Variants in TTLL3 observed in about 807,000 individuals in gnomAD.
TTLL3 encodes the protein tubulin tyrosine ligase like 3.
A neutral mutation model predicts 75.2 loss-of-function variants in TTLL3; 63 were observed. The observed-to-expected ratio is 0.84, with a 90% CI of 0.68 to 1.03. TTLL3 has a LOEUF of 1.03. TTLL3 is among the 50% of genes least tolerant of loss of function. The pLI is 0.00. For missense variants in TTLL3, 997 were observed against 1,069.9 expected (o/e 0.93, Z 0.95); for synonymous variants, 393 against 418.5 (o/e 0.94, Z 0.74).
intron 12 of TTLL3, 60 bp from the exon 13 acceptor site, chr3:9,834,621 G>C: frequency 6.2e-7 from 1 of 1,603,962 alleles, no homozygotes; most frequent in Non-Finnish European, 8.5e-7. Flanking sequence ...GTACCTGTTA[G>C]GGCAGCTAGG....
chr3:9,812,316 A>T (rs565946135), intron 2 of TTLL3, among the ~76,000 whole-genome samples: 1 of 152,284 alleles, frequency 6.6e-6, no homozygotes, highest in East Asian at 1.9e-4. Flanking sequence ...GGAGTTCAAG[A>T]CCAGCGTGGC....
intron 9 of TTLL3, 150 bp downstream of exon 9, chr3:9,826,098 C>A: frequency 7.8e-7 from 1 of 1,289,910 alleles, no homozygotes; most frequent in Non-Finnish European, 1.1e-6. Context: ...TGACCTTGAG[C>A]AGGTTTTAGC....
chr3:9,817,483 A>C, intron 5 of TTLL3, 162 bp from the exon 6 acceptor site: 1 of 985,062 alleles, frequency 1.0e-6, no homozygotes, highest in East Asian at 1.1e-4. Context: ...TTGGCAAAGG[A>C]CACCTCCCAG....
rs2081305434 is a variant in TTLL3, at chr3:9,829,071, C to G, written c.1359C>G (p.His453Gln). The stretch of plus-strand genomic sequence containing the variant: ...GGTCTAGCCAGAGGTTCCAGGCCCA[C>G]CTGCAGGAGATGGGTGCCCCAAATG... ...NMWSSQRFQA[H>Q]LQEMGAPNAW... Residue 453 changes from histidine (H) to glutamine (Q), a missense_variant, in exon 11 of 14, where the codon CAC becomes CAG. His to Gln is a conservative substitution (Grantham distance 24, BLOSUM62 0). Coordinates refer to ENST00000685419, the MANE Select transcript of TTLL3 (RefSeq NM_001387446.1). The G allele has an allele frequency of 6.2e-7, 1 of 1,614,266 alleles. No homozygotes were observed.
intron 6 of TTLL3, 29 bp from the exon 7 acceptor site, chr3:9,818,793 G>T: frequency 6.2e-7 from 1 of 1,613,890 alleles, no homozygotes; most frequent in Non-Finnish European, 8.5e-7. Flanking sequence ...CCTAGGGGCT[G>T]AGCAGGGTAT....
At position 9,815,719 on chromosome 3, in the gene TTLL3, G is replaced by A. The variant is rs551913895; in HGVS notation, c.316-355G>A. On this transcript the variant is annotated intron_variant, in intron 4 of 13. Transcript: ENST00000685419. ...AGGTGGGTCTATGTCTCAGTCTTTGGAATTTGCCATGGTTTGATGAGGCTA... is the reference window on the plus strand; with the variant it reads ...AGGTGGGTCTATGTCTCAGTCTTTGAAATTTGCCATGGTTTGATGAGGCTA... Among the ~76,000 whole-genome samples the A allele has an allele frequency of 2.0e-5, 3 of 152,386 alleles. No homozygotes were observed. The East Asian group carries it at 5.8e-4, about 29-fold the overall frequency.
In TTLL3 at chr3:9,816,102, A is replaced by G. The variant is rs772455093; in HGVS notation, c.344A>G (p.Tyr115Cys). 2 of 1,352,664 alleles carry G rather than the reference A, an allele frequency of 1.5e-6. No individual in the cohort carries two copies. Among genetic ancestry groups the G allele is most frequent in the South Asian group, 2.4e-5 (2 of 84,762 alleles). The allele number at this position is 1,352,664 out of a possible 1,614,324, so 83.8% of individuals were successfully genotyped here. ...CGCATGGTCCAGAATGAGATCCCCT[A>G]CTTCATCTGGACCACTCGGCGGGAT... ...MSRMVQNEIP[Y>C]FIWTTRRDVL... is the part of the protein sequence containing the mutation. The change falls in exon 5 of 14, where the codon TAC (tyrosine) becomes TGC (cysteine). Residue 115 changes from tyrosine (Y) to cysteine (C), a missense_variant. Physicochemically the swap from Tyr to Cys is radical, Grantham distance 194. Transcript: ENST00000685419.
At chr3:9,822,696 G>A (rs1278104988) in intron 8 of TTLL3, among the ~76,000 whole-genome samples, 2 of 146,024 alleles carry the variant, frequency 1.4e-5, no homozygotes, top group Non-Finnish European at 3.0e-5. Context: ...GCAAATTTTT[G>A]TGTGATATAC....
chr3:9,812,229 T>G (rs2079420110), intron 2 of TTLL3, among the ~76,000 whole-genome samples: 1 of 151,946 alleles, frequency 6.6e-6, no homozygotes, highest in Non-Finnish European at 1.5e-5. Flanking sequence ...TAAAAATTAT[T>G]TGGGCACCAG....
Position 9,812,953 on chromosome 3 carries a change from T to C in TTLL3, c.59T>C (p.Ile20Thr). 6.6e-7 allele frequency: 1 copy of C among 1,505,004 alleles called. No homozygotes were observed. 93.2% of individuals were successfully genotyped at this position (1,505,004 alleles called of 1,614,324 possible). A position where few individuals can be genotyped will look rare whatever the true frequency, so the allele number is the denominator to read the frequency against. The change falls in exon 3 of 14, where the codon ATC (isoleucine) becomes ACC (threonine). Residue 20 changes from isoleucine to threonine, a missense_variant. Physicochemically the swap from Ile to Thr is moderately conservative, Grantham distance 89 (BLOSUM62 -1). Coordinates refer to ENST00000685419, the MANE Select transcript of TTLL3 (RefSeq NM_001387446.1). ...TCTCTCACATTGCAGCAGAAGAAGA[T>C]CTTTACAATCCAAGGCTGCTACCCG... The part of the protein sequence containing the change: ...YVERAVKQKK[I>T]FTIQGCYPVI...
At chr3:9,834,445 T>C (rs2081901769) in intron 12 of TTLL3, 1 of 719,504 alleles carries the variant, frequency 1.4e-6, no homozygotes. Context: ...TCAGGAAGTT[T>C]AAGGAAGTTG....
At chr3:9,834,933 C>T in intron 13 of TTLL3, 26 bp downstream of exon 13, 1 of 1,614,184 alleles carries the variant, frequency 6.2e-7, no homozygotes, top group African/African-American at 1.3e-5. Flanking sequence ...TGACTCACAC[C>T]CAGTGGACAG....
At chr3:9,818,958 ATCC>A in intron 7 of TTLL3, 38 bp downstream of exon 7, 2 of 1,613,396 alleles carry the variant, frequency 1.2e-6, no homozygotes, top group South Asian at 2.2e-5. Context: ...CCACCCATTT[ATCC>A]TCCACCCATC....
chr3:9,810,285 C>T lies in TTLL3; in HGVS notation c.-151C>T, dbSNP rs560428064. On this transcript the variant is annotated 5_prime_UTR_variant, in exon 1 of 14. Transcript: ENST00000685419. This position sits in a 1 kb window ranked among gnomAD's most constrained non-coding sequence, Gnocchi z 4.4. ...GCAGCCCCGCCCCTGCGCGCCGCCT[C>T]AGCGGCGCCTTCAAGACGCTGGTCC... is the stretch of plus-strand genomic sequence containing the variant. 3.4e-5 allele frequency: 51 copies of T among 1,503,804 alleles called. 1 individual carries two copies. Among genetic ancestry groups the T allele is most frequent in the African/African-American group, 2.2e-4 (15 of 69,128 alleles). 93.2% of individuals were successfully genotyped at this position (1,503,804 alleles called of 1,614,324 possible).
chr3:9,816,331 A>G (rs996190294), intron 5 of TTLL3, 129 bp downstream of exon 5: 1 of 1,023,670 alleles, frequency 9.8e-7, no homozygotes, highest in Admixed American at 3.0e-5. Context: ...AATTCAGAAA[A>G]TTTGGAGTCT....
chr3:9,825,469 C>T, intron 8 of TTLL3: 1 of 365,742 alleles, frequency 2.7e-6, no homozygotes. Flanking sequence ...GGTGCTTTAT[C>T]ATTAGGAACT....
intron 5 of TTLL3, 35 bp from the exon 6 acceptor site, chr3:9,817,610 G>T (rs1390131231): frequency 1.2e-6 from 2 of 1,613,334 alleles, no homozygotes; most frequent in Non-Finnish European, 8.5e-7. Context: ...AGTGTGGGCA[G>T]TCCTGCCCTG....
intron 8 of TTLL3, among the ~76,000 whole-genome samples, chr3:9,822,411 G>A (rs1214986629): frequency 6.6e-6 from 1 of 151,870 alleles, no homozygotes; most frequent in South Asian, 2.1e-4. Context: ...GTTCTGGAGG[G>A]CTATAAGAAC....
chr3:9,814,626 C>T (rs6443267), intron 4 of TTLL3, among the ~76,000 whole-genome samples: 87,577 of 150,584 alleles, frequency 0.58, 26,520 homozygotes, highest in Non-Finnish European at 0.66. Context: ...CCAGCCTGGG[C>T]GACAGAGTGA....
Sources: gnomAD v4.1 joint callset for allele counts (sites outside exome capture counted in the v4.1 genomes callset) on GRCh38, gnomAD v4.1.1 for gene constraint, Gnocchi (gnomAD v3.1) non-coding constraint, MANE v1.5 for transcripts, NCBI Gene and HGNC (gene_info 2026-07-23, HGNC 2026-07-21) for gene names.